The following HSD17B12 variants were observed in gnomAD, a reference collection of about 807,000 sequenced individuals.
HSD17B12 encodes the protein very-long-chain 3-oxoacyl-CoA reductase.
A neutral mutation model predicts 39.3 loss-of-function variants in HSD17B12; 32 were observed. That is an observed-to-expected ratio of 0.81 (90% CI 0.61 to 1.09). HSD17B12 has a LOEUF of 1.09. HSD17B12 is among the 50% of genes least tolerant of loss of function. HSD17B12 has a pLI of 0.00. For missense variants in HSD17B12, 342 were observed against 382.9 expected (o/e 0.89, Z 0.89); for synonymous variants, 150 against 146.7 (o/e 1.02, Z -0.16).
Position 43,840,031 on chromosome 11 carries a change from T to G in HSD17B12, c.651T>G (p.His217Gln). 1 of 1,612,694 alleles carries G rather than the reference T, an allele frequency of 6.2e-7. No homozygotes were observed. The highest frequency in any genetic ancestry group is 1.7e-4 in the Middle Eastern group (1 of 6,044). Reference sequence around the variant, plus strand: ...TAGATTTCTTCTCTCAGTGCCTCCATGAGGAGTATAGGAGCAAGGGCGTCT... The same window carrying G: ...TAGATTTCTTCTCTCAGTGCCTCCAGGAGGAGTATAGGAGCAAGGGCGTCT... ...TFVDFFSQCL[H>Q]EEYRSKGVFV... Residue 217 changes from histidine to glutamine, a missense_variant, in exon 9 of 11, where the codon CAT becomes CAG. Transcript: ENST00000278353.
Position 43,721,197 on chromosome 11 carries a change from G to C in HSD17B12, c.161-29714G>C, listed in dbSNP as rs144928863. 1.2e-3 allele frequency among the ~76,000 whole-genome samples: 180 copies of C among 151,946 alleles called. 2 individuals are homozygous for C. In the East Asian group the frequency reaches 0.026, roughly 22 times the overall value. ...GGAAGTGGAATAAAGCAAGAATCTG[G>C]GATAGAAAGTAACTAGTAAATAGGT... On this transcript the variant is annotated intron_variant, in intron 1 of 10. Coordinates refer to ENST00000278353, the MANE Select transcript of HSD17B12 (RefSeq NM_016142.3).
chr11:43,656,349 C>G, the HSD17B12 span, among the ~76,000 whole-genome samples: 1 of 152,110 alleles, frequency 6.6e-6, no homozygotes, highest in Non-Finnish European at 1.5e-5. Context: ...TTCAAAAAAC[C>G]AGCCCCTGGA....
chr11:43,671,323 G>A, the HSD17B12 span, among the ~76,000 whole-genome samples: 1 of 152,194 alleles, frequency 6.6e-6, no homozygotes, highest in Non-Finnish European at 1.5e-5. Flanking sequence ...GGGATTACAG[G>A]CTTGTGCCAC....
At chr11:43,825,113 AGAGTGAGACCCTGTCTC>A (rs1951221106) in intron 6 of HSD17B12, among the ~76,000 whole-genome samples, 2 of 148,404 alleles carry the variant, frequency 1.3e-5, no homozygotes, top group Non-Finnish European at 3.0e-5. Context: ...CCTGGCTGGC[AGAGTGAGACCCTGTCTC>A]AAAAAAAAAA....
chr11:43,831,937 TG>T lies in HSD17B12; in HGVS notation c.536+928del, dbSNP rs1228167502. Among the ~76,000 whole-genome samples the T allele has an allele frequency of 6.6e-6, 1 of 152,232 alleles. No homozygotes were observed. Among genetic ancestry groups the T allele is most frequent in the Non-Finnish European group, 1.5e-5 (1 of 68,036 alleles). On this transcript the variant is annotated intron_variant, in intron 7 of 10. Transcript: ENST00000278353. The surrounding 1 kb of genome is among the most constrained non-coding windows in gnomAD (Gnocchi z 4.1). ...TAGTAAGTGTTAACTCATTTAACTTTGATAGCCTCCCACCATTGTACAGATG... is the reference window on the plus strand; with the variant it reads ...TAGTAAGTGTTAACTCATTTAACTTTATAGCCTCCCACCATTGTACAGATG...
chr11:43,843,396 CAT>C (rs781342128), intron 9 of HSD17B12, among the ~76,000 whole-genome samples: 3 of 152,222 alleles, frequency 2.0e-5, no homozygotes, highest in East Asian at 1.9e-4. Flanking sequence ...CCAGCCCACA[CAT>C]GTTTCCTGGG....
chr11:43,843,472 A>G (rs967405507), intron 9 of HSD17B12, among the ~76,000 whole-genome samples: 4 of 152,178 alleles, frequency 2.6e-5, no homozygotes, highest in African/African-American at 9.6e-5. Context: ...GTGGCTGCCC[A>G]TAAGGTTTAG....
At chr11:43,789,984 A>G (rs544326359) in intron 3 of HSD17B12, among the ~76,000 whole-genome samples, 1 of 152,296 alleles carries the variant, frequency 6.6e-6, no homozygotes, top group Non-Finnish European at 1.5e-5. Context: ...GACTGTCAGC[A>G]GGGTTCCCAG....
chr11:43,595,730 A>C, the HSD17B12 span, among the ~76,000 whole-genome samples: 1 of 152,212 alleles, frequency 6.6e-6, no homozygotes, highest in Admixed American at 6.5e-5. Context: ...TATTTATCTG[A>C]ATAAACGAAA....
At chr11:43,646,547 T>TA in the HSD17B12 span, among the ~76,000 whole-genome samples, 29 of 152,186 alleles carry the variant, frequency 1.9e-4, no homozygotes, top group African/African-American at 7.0e-4. Flanking sequence ...TGAAAGAAGA[T>TA]ACATGAATTT....
the HSD17B12 span, among the ~76,000 whole-genome samples, chr11:43,651,154 C>T: frequency 2.0e-5 from 3 of 152,242 alleles, no homozygotes; most frequent in East Asian, 1.9e-4. Flanking sequence ...GTATGTAAAA[C>T]ACGTTGGAAT....
intron 1 of HSD17B12, chr11:43,734,026 C>T (rs1950293422): frequency 2.7e-6 from 2 of 748,448 alleles, no homozygotes; most frequent in Non-Finnish European, 4.9e-6. Context: ...GTCAATATCA[C>T]ACGGCGGATC....
chr11:43,695,671 GTCT>G lies in HSD17B12; in HGVS notation c.160+14704_160+14706del, dbSNP rs10687930. The stretch of plus-strand genomic sequence containing the variant: ...TAGACTGAAGAGGATGTTCTAATTA[GTCT>G]TCTTCTTCTTCTTCTTCTTTTTAAG... On this transcript the variant is annotated intron_variant, in intron 1 of 10. Transcript: ENST00000278353. 1.1e-3 allele frequency among the ~76,000 whole-genome samples: 169 copies of G among 149,650 alleles called. 2 individuals are homozygous for G. In the East Asian group the frequency reaches 0.011, roughly 10 times the overall value.
At chr11:43,633,553 A>AAAAAT in the HSD17B12 span, among the ~76,000 whole-genome samples, 4 of 152,258 alleles carry the variant, frequency 2.6e-5, no homozygotes, top group East Asian at 3.9e-4. Context: ...TAAAATAAGT[A>AAAAAT]AAAATAAAAT....
the HSD17B12 span, among the ~76,000 whole-genome samples, chr11:43,578,533 A>C: frequency 6.6e-6 from 1 of 152,190 alleles, no homozygotes; most frequent in Admixed American, 6.5e-5. Flanking sequence ...TGTCTTGACA[A>C]TTCAGTTCAA....
the HSD17B12 span, among the ~76,000 whole-genome samples, chr11:43,570,895 G>A: frequency 6.6e-6 from 1 of 152,110 alleles, no homozygotes; most frequent in African/African-American, 2.4e-5. Context: ...CTCTTCTCAT[G>A]ACAAGATTCA....
chr11:43,683,146 A>G (rs1949767681), intron 1 of HSD17B12, among the ~76,000 whole-genome samples: 1 of 142,442 alleles, frequency 7.0e-6, no homozygotes, highest in Non-Finnish European at 1.5e-5. Flanking sequence ...ATATTGGTTG[A>G]TTATTCAAAT....
chr11:43,734,120 C>A, intron 1 of HSD17B12: 1 of 1,320,048 alleles, frequency 7.6e-7, no homozygotes, highest in Non-Finnish European at 1.1e-6. Context: ...TGCCGTCCAT[C>A]ACTACCAAAT....
intron 3 of HSD17B12, among the ~76,000 whole-genome samples, chr11:43,768,820 A>G (rs531639286): frequency 4.6e-5 from 7 of 152,280 alleles, no homozygotes; most frequent in African/African-American, 7.2e-5. Context: ...GGCCCCGCCC[A>G]TGTCCTGCTG....
Sources: allele counts gnomAD v4.1 joint callset (sites outside exome capture counted in the v4.1 genomes callset), GRCh38; gene constraint gnomAD v4.1.1; non-coding constraint Gnocchi (gnomAD v3.1); transcripts MANE v1.5; gene names NCBI Gene and HGNC (gene_info 2026-07-23, HGNC 2026-07-21).